Variants in SLC25A32 observed in about 807,000 individuals in gnomAD.
SLC25A32 encodes the protein solute carrier family 25 member 32.
A neutral mutation model predicts 39.0 loss-of-function variants in SLC25A32; 32 were observed. The observed-to-expected ratio is 0.82, with a 90% confidence interval of 0.62 to 1.10. The LOEUF is 1.10. Ranked by LOEUF, SLC25A32 falls within the 50% of genes least tolerant of loss-of-function variation. The probability of loss-of-function intolerance (pLI) is 0.00; values close to 1 mark genes in which losing one functional copy is unlikely to be tolerated. For synonymous variants in SLC25A32, 166 were observed against 152.4 expected (o/e 1.09, Z -0.66); for missense variants, 367 against 395.3 (o/e 0.93, Z 0.61).
intron 2 of SLC25A32, among the ~76,000 whole-genome samples, chr8:103,406,719 C>T (rs906530100): frequency 1.3e-5 from 2 of 152,210 alleles, no homozygotes; most frequent in African/African-American, 4.8e-5. Flanking sequence ...TTCCCAACAG[C>T]GATTTCCTGT....
chr8:103,408,269 G>C (rs1249564514), intron 1 of SLC25A32, among the ~76,000 whole-genome samples: 2 of 151,906 alleles, frequency 1.3e-5, no homozygotes, highest in Non-Finnish European at 2.9e-5. Context: ...TTACAGGTGT[G>C]AGCCACTATG....
Position 103,407,653 on chromosome 8 carries a change from A to G in SLC25A32, c.286T>C (p.Trp96Arg). ...ACTCACAAGAAAAAGTAGAGTCCCC[A>G]GGATAAACCTGCACCCCATATATTT... is the stretch of plus-strand genomic sequence containing the variant. ...TPNIWGAGLS[W>R]GLYFFFYNAI... is the part of the protein sequence containing the mutation. Residue 96 changes from tryptophan to arginine, a missense_variant, in exon 2 of 7, where the codon TGG becomes CGG. Trp to Arg is a moderately radical substitution (Grantham distance 101). Transcript: ENST00000297578. 4 of 1,595,720 alleles carry G rather than the reference A, an allele frequency of 2.5e-6. No homozygotes were observed. The highest frequency in any genetic ancestry group is 3.4e-6 in the Non-Finnish European group (4 of 1,169,150).
chr8:103,400,310 A>G lies in SLC25A32; in HGVS notation c.*101T>C. Reference sequence around the variant, plus strand: ...TCTAATGACTATAGAGCAATTTCGAATATGAGCCATGTTTCTATGCAGAAT... The same window carrying G: ...TCTAATGACTATAGAGCAATTTCGAGTATGAGCCATGTTTCTATGCAGAAT... On this transcript the variant is annotated 3_prime_UTR_variant, in exon 7 of 7. Transcript: ENST00000297578. 1 of 1,381,880 alleles carries G rather than the reference A, an allele frequency of 7.2e-7. No individual in the cohort carries two copies. The highest frequency in any genetic ancestry group is 1.0e-6 in the Non-Finnish European group (1 of 992,344). The allele number at this position is 1,381,880 out of a possible 1,614,324, so 85.6% of individuals were successfully genotyped here.
intron 2 of SLC25A32, among the ~76,000 whole-genome samples, chr8:103,406,065 G>GTGTGTGTATATATA (rs372284581): frequency 6.9e-6 from 1 of 144,164 alleles, no homozygotes; most frequent in Non-Finnish European, 1.5e-5. Flanking sequence ...GTGTGTGTGT[G>GTGTGTGTATATATA]TATATATATA....
At chr8:103,401,079 T>C (rs1020375586) in intron 6 of SLC25A32, among the ~76,000 whole-genome samples, 2 of 152,222 alleles carry the variant, frequency 1.3e-5, no homozygotes, top group African/African-American at 4.8e-5. Context: ...TGTCTGCCTA[T>C]AATAATTTAA....
intron 1 of SLC25A32, among the ~76,000 whole-genome samples, chr8:103,410,179 C>T (rs1451931459): frequency 6.6e-6 from 1 of 152,136 alleles, no homozygotes; most frequent in Non-Finnish European, 1.5e-5. Context: ...TAGGTATAAA[C>T]CAATGCTGAA....
rs764934282 is a variant in SLC25A32, at chr8:103,407,678, T to A, written c.261A>T (p.Pro87=). The change falls in exon 2 of 7, where the codon CCA becomes CCT. Residue 87 remains proline, a synonymous_variant. Coordinates refer to ENST00000297578, the MANE Select transcript of SLC25A32 (RefSeq NM_030780.5). ...AGGATAAACCTGCACCCCATATATT[T>A]GGGGTTACTCCTTGATAAAGTCCCC... ...GLRGLYQGVT[P]NIWGAGLSWG... 23 of 1,607,600 alleles carry A rather than the reference T, an allele frequency of 1.4e-5. No homozygotes were observed. Among genetic ancestry groups the A allele is most frequent in the Non-Finnish European group, 2.0e-5 (23 of 1,176,312 alleles).
Position 103,399,247 on chromosome 8 carries a change from G to A in SLC25A32, c.*1164C>T, listed in dbSNP as rs1354258756. The A allele has an allele frequency of 6.6e-6, 1 of 152,062 alleles. No homozygotes were observed. Among genetic ancestry groups the A allele is most frequent in the East Asian group, 1.9e-4 (1 of 5,198 alleles). 9.4% of individuals were successfully genotyped at this position (152,062 alleles called of 1,614,324 possible). On this transcript the variant is annotated 3_prime_UTR_variant, in exon 7 of 7. Coordinates refer to ENST00000297578, the MANE Select transcript of SLC25A32 (RefSeq NM_030780.5). ...AAAGTTTCTCATTTCCATTTACCTT[G>A]TCAACAAACATATCCCAAACATTTC...
In SLC25A32 at chr8:103,415,011, G is replaced by A; in HGVS notation, c.-74C>T. 6.3e-7 allele frequency: 1 copy of A among 1,589,350 alleles called. No homozygotes were observed. The highest frequency in any genetic ancestry group is 8.6e-7 in the Non-Finnish European group (1 of 1,167,706). On this transcript the variant is annotated 5_prime_UTR_variant, in exon 1 of 7. Coordinates refer to ENST00000297578, the MANE Select transcript of SLC25A32 (RefSeq NM_030780.5). ...ACGCGATGCAGTGGCCGCCACCGTG[G>A]CGACGGTCGCCCCTTGTGAGCGCAA... is the stretch of plus-strand genomic sequence containing the variant.
rs146625518 is a variant in SLC25A32, at chr8:103,401,578, A to G, written c.750T>C (p.Ala250=). The change falls in exon 6 of 7, where the codon GCT becomes GCC. Residue 250 remains alanine, a synonymous_variant. Transcript: ENST00000297578. Reference sequence around the variant, plus strand: ...AAAACATGTGTTGATCCTGAAGACGAGCTCTTACGACTTGATATGGGTATG... The same window carrying G: ...AAAACATGTGTTGATCCTGAAGACGGGCTCTTACGACTTGATATGGGTATG... The part of the protein sequence containing the change: ...AATYPYQVVR[A]RLQDQHMFYS... 3.7e-6 allele frequency: 6 copies of G among 1,613,988 alleles called. No individual in the cohort carries two copies. The highest frequency in any genetic ancestry group is 4.2e-6 in the Non-Finnish European group (5 of 1,179,904).
At chr8:103,403,411 A>T in intron 3 of SLC25A32, 87 bp from the exon 4 acceptor site, 3 of 274,102 alleles carry the variant, frequency 1.1e-5, no homozygotes, top group South Asian at 9.7e-5. Flanking sequence ...CATTTATGTA[A>T]AAAAAAAAAA....
In SLC25A32 at chr8:103,401,733, T is replaced by C; in HGVS notation, c.667-72A>G. 16 of 1,324,850 alleles carry C rather than the reference T, an allele frequency of 1.2e-5. No individual in the cohort carries two copies. The South Asian group carries it at 1.6e-4, about 14-fold the overall frequency. The allele number at this position is 1,324,850 out of a possible 1,614,324, so 82.1% of individuals were successfully genotyped here. On this transcript the variant is annotated intron_variant, in intron 5 of 6. Transcript: ENST00000297578. ...TAAAAATACAGAAGTAAAAATTATA[T>C]ACAAAAAACATTTAAATGGATCTTT...
intron 3 of SLC25A32, 83 bp from the exon 4 acceptor site, chr8:103,403,407 TG>T (rs1816261524): frequency 1.2e-3 from 628 of 506,034 alleles, no homozygotes; most frequent in Middle Eastern, 2.0e-3. Flanking sequence ...AGTACATTTA[TG>T]TAAAAAAAAA....
chr8:103,404,849 G>A lies in SLC25A32; in HGVS notation c.318C>T (p.Ile106=). ...WGLYFFFYNA[I]KSYKTEGRAE... is the part of the protein sequence containing the mutation. ...CTCTTCCTTCTGTTTTATATGACTT[G>A]ATGGCATTGTAACTAAAAGAATTAA... The change falls in exon 3 of 7, where the codon ATC becomes ATT. Residue 106 remains isoleucine, a synonymous_variant. Transcript: ENST00000297578. The A allele has an allele frequency of 6.2e-7, 1 of 1,609,492 alleles. No individual in the cohort carries two copies. The highest frequency in any genetic ancestry group is 8.5e-7 in the Non-Finnish European group (1 of 1,176,168).
rs773839769 is a variant in SLC25A32 at position 103,414,911 on chromosome 8, G to A, written c.27C>T (p.Ser9=). Residue 9 remains serine (S), a synonymous_variant, in exon 1 of 7, where the codon TCC becomes TCT. Transcript: ENST00000297578. MTGQGQSA[S]GSSAWSTVFR... ...ATACCGTGCTCCACGCCGACGACCC[G>A]GACGCCGACTGGCCCTGGCCCGTCA... 2.5e-6 allele frequency: 4 copies of A among 1,609,750 alleles called. No homozygotes were observed. The South Asian group carries it at 3.3e-5, about 13-fold the overall frequency.
At position 103,414,859 on chromosome 8, in the gene SLC25A32, T is replaced by A. The variant is rs774132040; in HGVS notation, c.79A>T (p.Ile27Leu). The change falls in exon 1 of 7, where the codon ATA becomes TTA. Residue 27 changes from isoleucine (I) to leucine (L), a missense_variant. By Grantham distance (5) the Ile-to-Leu change is conservative (BLOSUM62 2). Transcript: ENST00000297578. ...AAGACGCCGCCGCTCACGCCCGCTATCAGGTTCTCATACCGGACGTGGCGG... is the reference window on the plus strand; with the variant it reads ...AAGACGCCGCCGCTCACGCCCGCTAACAGGTTCTCATACCGGACGTGGCGG... ...VFRHVRYENL[I>L]AGVSGGVLSN... The A allele has an allele frequency of 6.2e-7, 1 of 1,613,506 alleles. No homozygotes were observed.
chr8:103,410,399 G>C (rs530146387), intron 1 of SLC25A32, among the ~76,000 whole-genome samples: 17 of 152,278 alleles, frequency 1.1e-4, no homozygotes, highest in African/African-American at 4.1e-4. Flanking sequence ...ATTACTGCCT[G>C]AACTCTGCCT....
rs72675449 is a variant in SLC25A32 at position 103,402,365 on chromosome 8, A to G, written c.553-311T>C. Reference sequence around the variant, plus strand: ...GGAAACTAAATTCTGGAAAGTTAAGAAACTAAAGGTAATGGTAAATCAATG... The same window carrying G: ...GGAAACTAAATTCTGGAAAGTTAAGGAACTAAAGGTAATGGTAAATCAATG... On this transcript the variant is annotated intron_variant, in intron 4 of 6. Transcript: ENST00000297578. 18,868 of 181,902 alleles carry G rather than the reference A, an allele frequency of 0.1. 1,178 individuals are homozygous for G. The highest frequency in any genetic ancestry group is 0.22 in the Middle Eastern group (101 of 454). 11.3% of individuals were successfully genotyped at this position (181,902 alleles called of 1,614,324 possible).
chr8:103,407,813 A>C (rs764721891), intron 1 of SLC25A32, 29 bp from the exon 2 acceptor site: 9 of 1,604,018 alleles, frequency 5.6e-6, no homozygotes, highest in Non-Finnish European at 6.8e-6. Context: ...AAAGTCAGGT[A>C]AGAACAAAGT....
Sources: gnomAD v4.1 joint callset for allele counts (sites outside exome capture counted in the v4.1 genomes callset) on GRCh38, gnomAD v4.1.1 for gene constraint, MANE v1.5 for transcripts, NCBI Gene and HGNC (gene_info 2026-07-23, HGNC 2026-07-21) for gene names.